The following RAB3C variants were observed in gnomAD, a reference collection of about 807,000 sequenced individuals.
RAB3C encodes RAB3C, member RAS oncogene family.
RAB3C carries 17 observed loss-of-function variants against 26.4 expected under a neutral mutation model. The ratio of observed to expected loss-of-function variants is 0.64; its 90% CI spans 0.44 to 0.97. The LOEUF (loss-of-function observed/expected upper bound fraction) is 0.97. Ranked by LOEUF, RAB3C falls within the 50% of genes least tolerant of loss-of-function variation. The pLI is 0.00. For missense variants in RAB3C, 242 were observed against 281.9 expected, an observed-to-expected ratio of 0.86 and a Z score of 1.01; for synonymous variants, 91 against 95.9, an observed-to-expected ratio of 0.95 and a Z score of 0.30.
chr5:58,745,986 G>A (rs913543308), intron 3 of RAB3C, among the ~76,000 whole-genome samples: 1 of 152,144 alleles, frequency 6.6e-6, no homozygotes, highest in Non-Finnish European at 1.5e-5. Context: ...CCCTCCTACA[G>A]GGTTTTCTTC....
intron 3 of RAB3C, among the ~76,000 whole-genome samples, chr5:58,768,991 G>C (rs1741968506): frequency 6.6e-6 from 1 of 152,206 alleles, no homozygotes; most frequent in Non-Finnish European, 1.5e-5. Context: ...GGTGATGGTA[G>C]CTGGCCCAAA....
chr5:58,699,908 C>G (rs924393147), intron 2 of RAB3C, among the ~76,000 whole-genome samples: 2 of 152,220 alleles, frequency 1.3e-5, no homozygotes, highest in Non-Finnish European at 2.9e-5. Flanking sequence ...TCCCCTGACC[C>G]CGTGTGCTTC....
intron 3 of RAB3C, among the ~76,000 whole-genome samples, chr5:58,777,593 T>C (rs914818667): frequency 6.7e-6 from 1 of 149,460 alleles, no homozygotes; most frequent in African/African-American, 2.5e-5. Context: ...GGAAAGACCA[T>C]GTTTTTTTTT....
intron 2 of RAB3C, among the ~76,000 whole-genome samples, chr5:58,687,364 T>G (rs1049072325): frequency 6.6e-6 from 1 of 152,172 alleles, no homozygotes; most frequent in African/African-American, 2.4e-5. Context: ...TGGAGGATAG[T>G]TCCATTTAAG....
At position 58,689,127 on chromosome 5, in the gene RAB3C, T is replaced by C. The variant is rs151086769; in HGVS notation, c.253-36875T>C. ...TGAAGCCTAGAGAGATAGAAGTAAC[T>C]TTTCACAGGTAGCATGGCTACTATG... is the stretch of plus-strand genomic sequence containing the variant. On this transcript the variant is annotated intron_variant, in intron 2 of 4. Coordinates refer to ENST00000282878, the MANE Select transcript of RAB3C (RefSeq NM_138453.4). 7.9e-4 allele frequency: 121 copies of C among 152,252 alleles called. 1 individual carries two copies. Among genetic ancestry groups the C allele is most frequent in the African/African-American group, 2.9e-3 (120 of 41,546 alleles). 9.4% of individuals were successfully genotyped at this position (152,252 alleles called of 1,614,324 possible). A position where few individuals can be genotyped will look rare whatever the true frequency, so the allele number is the denominator to read the frequency against.
intron 1 of RAB3C, among the ~76,000 whole-genome samples, chr5:58,597,709 A>C (rs1381596780): frequency 3.9e-5 from 2 of 51,830 alleles, no homozygotes; most frequent in African/African-American, 9.1e-5. Context: ...TATATAATAT[A>C]ATATAGTACA....
chr5:58,851,396 C>T lies in RAB3C; in HGVS notation c.*45C>T. 6.8e-7 allele frequency: 1 copy of T among 1,470,720 alleles called. No individual in the cohort carries two copies. Among genetic ancestry groups the T allele is most frequent in the Non-Finnish European group, 9.2e-7 (1 of 1,092,590 alleles). The allele number at this position is 1,470,720 out of a possible 1,614,324, so 91.1% of individuals were successfully genotyped here. A position where few individuals can be genotyped will look rare whatever the true frequency, so the allele number is the denominator to read the frequency against. ...AGCTCCAGGGGGCTCTGGTTGCCAA[C>T]AAACAGCATTTGTAAATGGTCTATT... On this transcript the variant is annotated 3_prime_UTR_variant, in exon 5 of 5. Transcript: ENST00000282878.
intron 4 of RAB3C, among the ~76,000 whole-genome samples, chr5:58,836,236 T>C (rs1055505422): frequency 7.8e-6 from 1 of 127,622 alleles, no homozygotes; most frequent in Non-Finnish European, 1.6e-5. Context: ...TGTTCACTCA[T>C]ATATTTCTTT....
chr5:58,829,845 T>C (rs1743574179), intron 4 of RAB3C, among the ~76,000 whole-genome samples: 1 of 152,216 alleles, frequency 6.6e-6, no homozygotes, highest in East Asian at 1.9e-4. Flanking sequence ...TTTGCCATTT[T>C]ACCAAGCTCT....
chr5:58,587,359 C>A (rs1459254391), intron 1 of RAB3C, among the ~76,000 whole-genome samples: 2 of 152,018 alleles, frequency 1.3e-5, no homozygotes, highest in African/African-American at 4.8e-5. Context: ...AGCAGCTGGG[C>A]CACCTCAAAA....
intron 3 of RAB3C, among the ~76,000 whole-genome samples, chr5:58,743,113 G>A (rs934819287): frequency 6.6e-6 from 1 of 152,024 alleles, no homozygotes; most frequent in African/African-American, 2.4e-5. Context: ...GTGCAACCTT[G>A]GAAATTTGAC....
intron 2 of RAB3C, among the ~76,000 whole-genome samples, chr5:58,620,218 A>C (rs922318411): frequency 1.2e-4 from 19 of 152,302 alleles, no homozygotes; most frequent in African/African-American, 4.3e-4. Flanking sequence ...CCCCATCGTC[A>C]GTCACAATAG....
At chr5:58,731,430 A>G (rs1001144333) in intron 3 of RAB3C, among the ~76,000 whole-genome samples, 1 of 152,182 alleles carries the variant, frequency 6.6e-6, no homozygotes, top group Non-Finnish European at 1.5e-5. Context: ...CACTGTGGTT[A>G]GTAAAATATG....
intron 2 of RAB3C, among the ~76,000 whole-genome samples, chr5:58,651,275 T>C (rs560480299): frequency 1.7e-4 from 26 of 152,276 alleles, no homozygotes; most frequent in African/African-American, 6.3e-4. Flanking sequence ...TGACTGACAC[T>C]GAGTGTATTT....
intron 1 of RAB3C, among the ~76,000 whole-genome samples, chr5:58,597,213 A>AATATTATATAGTATATACTACACAAT (rs1746329006): frequency 8.6e-4 from 1 of 1,168 alleles, no homozygotes; most frequent in Non-Finnish European, 2.5e-3. Flanking sequence ...ATACTACATA[A>AATATTATATAGTATATACTACACAAT]ATATTATATA....
chr5:58,737,132 G>A (rs1421205367), intron 3 of RAB3C, among the ~76,000 whole-genome samples: 2 of 151,656 alleles, frequency 1.3e-5, no homozygotes, highest in African/African-American at 2.4e-5. Flanking sequence ...TAGCCACACC[G>A]GCTTCTTTGC....
intron 4 of RAB3C, among the ~76,000 whole-genome samples, chr5:58,838,165 G>A (rs1296963864): frequency 6.6e-6 from 1 of 152,142 alleles, no homozygotes; most frequent in Non-Finnish European, 1.5e-5. Flanking sequence ...CAGATCACGA[G>A]GTCAGTAGAC....
At chr5:58,797,185 G>A (rs1742675093) in intron 3 of RAB3C, among the ~76,000 whole-genome samples, 1 of 151,118 alleles carries the variant, frequency 6.6e-6, no homozygotes, top group Admixed American at 6.6e-5. Context: ...TGTGTACTTG[G>A]CAAGACATAT....
At chr5:58,777,702 C>T (rs192040843) in intron 3 of RAB3C, among the ~76,000 whole-genome samples, 1 of 150,616 alleles carries the variant, frequency 6.6e-6, no homozygotes, top group Non-Finnish European at 1.5e-5. Flanking sequence ...CCCATTAACT[C>T]GTTATTTACA....
Sources: gnomAD v4.1 joint callset for allele counts (sites outside exome capture counted in the v4.1 genomes callset) on GRCh38, gnomAD v4.1.1 for gene constraint, MANE v1.5 for transcripts, NCBI Gene and HGNC (gene_info 2026-07-23, HGNC 2026-07-21) for gene names.